The following SOX6 variants were observed in gnomAD, a reference collection of about 807,000 sequenced individuals.
SOX6 encodes SRY-box transcription factor 6, also known as transcription factor SOX-6.
A neutral mutation model predicts 97.8 loss-of-function variants in SOX6; 11 were observed. The ratio of observed to expected loss-of-function variants is 0.11; its 90% CI spans 0.07 to 0.19. The LOEUF is 0.19. Among genes scored for constraint, SOX6 ranks in the 10% least tolerant of loss-of-function variants. SOX6 has a pLI of 1.00. For synonymous variants in SOX6, 360 were observed against 371.4 expected (o/e 0.97, Z 0.35); for missense variants, 810 against 1,039.5 (o/e 0.78, Z 3.04).
chr11:16,566,095 C>CAAAAAAA (rs67916329), intron 4 of SOX6, among the ~76,000 whole-genome samples: 1 of 98,814 alleles, frequency 1.0e-5, no homozygotes, highest in South Asian at 3.1e-4. Flanking sequence ...GACTCCGTCT[C>CAAAAAAA]AAAAAAAAAA....
chr11:16,533,390 T>A (rs963784708), intron 4 of SOX6, among the ~76,000 whole-genome samples: 1 of 151,870 alleles, frequency 6.6e-6, no homozygotes, highest in Non-Finnish European at 1.5e-5. Flanking sequence ...ATAAAGAGTA[T>A]TAAGATCAAA....
Position 15,984,624 on chromosome 11 carries a change from C to T in SOX6, c.2183+1580G>A, listed in dbSNP as rs74458776. Among the ~76,000 whole-genome samples, 1,237 of 152,280 alleles carry T rather than the reference C, an allele frequency of 8.1e-3. 19 individuals carry two copies. The highest frequency in any genetic ancestry group is 0.025 in the African/African-American group (1,048 of 41,556). ...CCACATTGCCCTTTTTAGCGTTAAA[C>T]GCATTACCTTTAAAAATGCAAACAT... On this transcript the variant is annotated intron_variant, in intron 15 of 15. Coordinates refer to ENST00000683767, the MANE Select transcript of SOX6 (RefSeq NM_001367873.1).
intron 4 of SOX6, among the ~76,000 whole-genome samples, chr11:16,603,569 C>T (rs1848296139): frequency 6.6e-6 from 1 of 152,044 alleles, no homozygotes; most frequent in Admixed American, 6.5e-5. Flanking sequence ...ACAATCCAAC[C>T]TAGAAGCATG....
intron 5 of SOX6, among the ~76,000 whole-genome samples, chr11:16,185,523 A>G (rs1371859394): frequency 6.6e-6 from 1 of 152,218 alleles, no homozygotes; most frequent in African/African-American, 2.4e-5. Context: ...GAAGTATGGT[A>G]CATAAGCGCC....
At chr11:16,488,001 C>T (rs1459464942) in intron 4 of SOX6, among the ~76,000 whole-genome samples, 1 of 152,186 alleles carries the variant, frequency 6.6e-6, no homozygotes, top group East Asian at 1.9e-4. Flanking sequence ...TACAGAGAGT[C>T]AACATAGTCT....
At chr11:16,320,149 A>T (rs1437560560) in intron 2 of SOX6, among the ~76,000 whole-genome samples, 3 of 152,136 alleles carry the variant, frequency 2.0e-5, no homozygotes, top group African/African-American at 7.2e-5. Flanking sequence ...TTCACCTTTT[A>T]TCTGTTTGCA....
intron 1 of SOX6, among the ~76,000 whole-genome samples, chr11:16,396,894 C>T (rs1385802019): frequency 6.6e-6 from 1 of 151,350 alleles, no homozygotes; most frequent in African/African-American, 2.4e-5. Context: ...TCTTTCCTTG[C>T]AATTCACAAA....
intron 4 of SOX6, among the ~76,000 whole-genome samples, chr11:16,485,959 AGGGGAGG>A (rs1860423977): frequency 4.5e-4 from 1 of 2,200 alleles, no homozygotes; most frequent in Non-Finnish European, 6.8e-4. Context: ...AGGGGAGGGG[AGGGGAGG>A]GGAGGGGAGG....
chr11:16,485,954 AGGG>A (rs1860423679), intron 4 of SOX6, among the ~76,000 whole-genome samples: 4 of 1,782 alleles, frequency 2.2e-3, no homozygotes, highest in Non-Finnish European at 3.4e-3. Flanking sequence ...AGGGGAGGGG[AGGG>A]GAGGGGAGGG....
chr11:16,342,469 A>G (rs1264928505), intron 1 of SOX6, among the ~76,000 whole-genome samples: 1 of 151,938 alleles, frequency 6.6e-6, no homozygotes, highest in Admixed American at 6.6e-5. Flanking sequence ...AGGAAACCAC[A>G]TGAGCATTTT....
chr11:16,388,103 A>G (rs1024994344), intron 1 of SOX6, among the ~76,000 whole-genome samples: 4 of 152,142 alleles, frequency 2.6e-5, no homozygotes, highest in Non-Finnish European at 5.9e-5. Context: ...TCAGATAAAA[A>G]TAGTTTTATT....
intron 4 of SOX6, among the ~76,000 whole-genome samples, chr11:16,539,918 G>A (rs1590238003): frequency 6.6e-6 from 1 of 152,236 alleles, no homozygotes; most frequent in South Asian, 2.1e-4. Flanking sequence ...CATTCCTTCT[G>A]AAACTATTCC....
chr11:16,288,537 C>T (rs1473367983), intron 3 of SOX6, among the ~76,000 whole-genome samples: 1 of 151,954 alleles, frequency 6.6e-6, no homozygotes, highest in African/African-American at 2.4e-5. Flanking sequence ...CTTCAAACCA[C>T]TGAAATGCTA....
At chr11:16,735,956 A>G (rs942923023) in intron 2 of SOX6, among the ~76,000 whole-genome samples, 1 of 152,160 alleles carries the variant, frequency 6.6e-6, no homozygotes, top group African/African-American at 2.4e-5. Context: ...TACTCGACAA[A>G]CATCTGTGAC....
intron 4 of SOX6, among the ~76,000 whole-genome samples, chr11:16,504,012 C>T (rs1434067625): frequency 6.6e-6 from 1 of 151,502 alleles, no homozygotes. Flanking sequence ...CACTGCACTC[C>T]AGCCTGGGCA....
chr11:16,669,644 T>C (rs996556880), intron 3 of SOX6, among the ~76,000 whole-genome samples: 13 of 152,200 alleles, frequency 8.5e-5, no homozygotes, highest in African/African-American at 3.1e-4. Context: ...TTTGCTTTCT[T>C]ACAGCCCTTG....
intron 4 of SOX6, among the ~76,000 whole-genome samples, chr11:16,211,155 G>A (rs924965841): frequency 5.3e-5 from 8 of 152,058 alleles, no homozygotes; most frequent in Non-Finnish European, 1.2e-4. Flanking sequence ...AAATTAAAGA[G>A]GTAAAAGGGA....
chr11:16,635,465 T>C (rs557283869), intron 3 of SOX6, among the ~76,000 whole-genome samples: 1 of 152,318 alleles, frequency 6.6e-6, no homozygotes, highest in Non-Finnish European at 1.5e-5. Flanking sequence ...GATGACTTAG[T>C]GTATCCGGCA....
At chr11:16,011,990 T>C (rs767729410) in intron 13 of SOX6, among the ~76,000 whole-genome samples, 1 of 152,032 alleles carries the variant, frequency 6.6e-6, no homozygotes, top group Non-Finnish European at 1.5e-5. Context: ...CTTTCCTCAC[T>C]AGACCATATG....
Sources: allele counts gnomAD v4.1 joint callset (sites outside exome capture counted in the v4.1 genomes callset), GRCh38; gene constraint gnomAD v4.1.1; transcripts MANE v1.5; gene names NCBI Gene and HGNC (gene_info 2026-07-23, HGNC 2026-07-21).